Variants in RANGAP1 observed in about 807,000 individuals in gnomAD.
The protein encoded by RANGAP1 is Ran GTPase activating protein 1.
Under a neutral mutation model 63.5 loss-of-function variants are expected in RANGAP1, and 38 were observed. That is an observed-to-expected ratio of 0.60 (90% CI 0.46 to 0.78). RANGAP1 has a LOEUF of 0.78. Ranked by LOEUF, RANGAP1 falls within the 30% of genes least tolerant of loss-of-function variation. The pLI, the probability that RANGAP1 is intolerant of heterozygous loss-of-function variation, is 0.00. For synonymous variants in RANGAP1, 329 were observed against 310.5 expected, an observed-to-expected ratio of 1.06 and a Z score of -0.63; for missense variants, 630 against 740.3, an observed-to-expected ratio of 0.85 and a Z score of 1.73.
At chr22:41,281,614 C>G (rs1601719583) in intron 1 of RANGAP1, 19 of 987,044 alleles carry the variant, frequency 1.9e-5, no homozygotes, top group East Asian at 1.1e-4. Flanking sequence ...CACTGCACGT[C>G]TGGTTTCAAC....
In RANGAP1 at chr22:41,257,727, G is replaced by A. The variant is rs1177716643; in HGVS notation, c.774+221C>T. Among the ~76,000 whole-genome samples the A allele has an allele frequency of 6.6e-6, 1 of 152,252 alleles. No individual in the cohort carries two copies. Among genetic ancestry groups the A allele is most frequent in the Non-Finnish European group, 1.5e-5 (1 of 68,038 alleles). Reference sequence around the variant, plus strand: ...GGCTGCAGAGGCGGCTCAGGAGAAGGTGGCATGAAGAATCAGAGCTGCCCG... The same window carrying A: ...GGCTGCAGAGGCGGCTCAGGAGAAGATGGCATGAAGAATCAGAGCTGCCCG... On this transcript the variant is annotated intron_variant, in intron 7 of 15. Transcript: ENST00000356244. This position sits in a 1 kb window ranked among gnomAD's most constrained non-coding sequence, Gnocchi z 4.0.
the RANGAP1 span, among the ~76,000 whole-genome samples, chr22:41,294,026 CT>C: frequency 7.2e-6 from 1 of 138,076 alleles, no homozygotes; most frequent in African/African-American, 2.7e-5. Context: ...ATCTACTCCT[CT>C]CCCTCTCCTT....
chr22:41,300,235 A>G, the RANGAP1 span, among the ~76,000 whole-genome samples: 1 of 151,912 alleles, frequency 6.6e-6, no homozygotes, highest in African/African-American at 2.4e-5. Flanking sequence ...ATATGTGTTC[A>G]TTATTTCACC....
intron 3 of RANGAP1, among the ~76,000 whole-genome samples, chr22:41,271,587 G>A (rs558865813): frequency 4.5e-4 from 68 of 151,950 alleles, no homozygotes; most frequent in African/African-American, 1.4e-3. Flanking sequence ...CCAGCCACTT[G>A]GGAGGCTGAG....
rs555031164 is a variant in RANGAP1 at position 41,271,013 on chromosome 22, C to T, written c.241-2857G>A. On this transcript the variant is annotated intron_variant, in intron 3 of 15. Coordinates refer to ENST00000356244, the MANE Select transcript of RANGAP1 (RefSeq NM_002883.4). The stretch of plus-strand genomic sequence containing the variant: ...GATTTAGCTGACTCCAGCCATCACT[C>T]CCCCTCTCCAGCCTCTGGTATCCTA... 1.2e-4 allele frequency among the ~76,000 whole-genome samples: 18 copies of T among 152,280 alleles called. No individual in the cohort carries two copies. The East Asian group carries it at 2.5e-3, about 21-fold the overall frequency.
At chr22:41,279,633 C>T (rs891353993) in intron 2 of RANGAP1, among the ~76,000 whole-genome samples, 2 of 151,298 alleles carry the variant, frequency 1.3e-5, no homozygotes, top group Non-Finnish European at 2.9e-5. Context: ...CAGAGCAAGA[C>T]TATGTCTCAA....
At chr22:41,283,466 G>A (rs890187655) in intron 1 of RANGAP1, among the ~76,000 whole-genome samples, 4 of 152,058 alleles carry the variant, frequency 2.6e-5, no homozygotes, top group Admixed American at 6.6e-5. Flanking sequence ...CCAAGATCGC[G>A]CCATTGCATT....
intron 2 of RANGAP1, among the ~76,000 whole-genome samples, chr22:41,276,643 A>C (rs968183103): frequency 6.6e-6 from 1 of 151,944 alleles, no homozygotes; most frequent in African/African-American, 2.4e-5. Flanking sequence ...CCGTTTCAAA[A>C]AACAAACAAA....
At chr22:41,296,678 T>G in the RANGAP1 span, among the ~76,000 whole-genome samples, 1 of 150,512 alleles carries the variant, frequency 6.6e-6, no homozygotes, top group Non-Finnish European at 1.5e-5. Flanking sequence ...CACACATATA[T>G]CAATGCTATG....
At chr22:41,299,205 T>G in the RANGAP1 span, among the ~76,000 whole-genome samples, 13 of 151,998 alleles carry the variant, frequency 8.6e-5, no homozygotes, top group African/African-American at 2.7e-4. Flanking sequence ...CGATCTCGGC[T>G]CACTGTAACC....
intron 4 of RANGAP1, among the ~76,000 whole-genome samples, chr22:41,266,778 C>T (rs745316641): frequency 3.3e-5 from 5 of 152,152 alleles, no homozygotes; most frequent in African/African-American, 4.8e-5. Flanking sequence ...AGGTGATCCA[C>T]GTGCACCGCC....
rs146254801 is a variant in RANGAP1, at chr22:41,253,043, C to A, written c.1261-52G>T. On this transcript the variant is annotated intron_variant, in intron 11 of 15. Transcript: ENST00000356244. ...GGAGAATTCCGGACCCCAGACTCCC[C>A]GACACAGCTGTGCCCATCCCCACAC... 4.4e-6 allele frequency: 6 copies of A among 1,374,652 alleles called. No homozygotes were observed. In the South Asian group the frequency reaches 1.1e-4, roughly 24 times the overall value. The allele number at this position is 1,374,652 out of a possible 1,614,324, so 85.2% of individuals were successfully genotyped here.
At chr22:41,277,146 C>T (rs1217847278) in intron 2 of RANGAP1, among the ~76,000 whole-genome samples, 7 of 129,034 alleles carry the variant, frequency 5.4e-5, no homozygotes, top group African/African-American at 1.5e-4. Flanking sequence ...GGCGGGATCT[C>T]GGCTCACTGC....
intron 10 of RANGAP1, among the ~76,000 whole-genome samples, chr22:41,255,695 C>G (rs551531437): frequency 1.3e-5 from 2 of 152,040 alleles, no homozygotes; most frequent in African/African-American, 4.8e-5. Context: ...CCCCACGAGA[C>G]AGAAGCCCTG....
chr22:41,254,541 A>C, intron 10 of RANGAP1, 47 bp from the exon 11 acceptor site: 1 of 1,534,088 alleles, frequency 6.5e-7, no homozygotes, highest in Non-Finnish European at 8.7e-7. Flanking sequence ...CCAGCAGCCC[A>C]GGTTGGCTCT....
intron 3 of RANGAP1, among the ~76,000 whole-genome samples, chr22:41,271,571 G>C (rs533949497): frequency 6.6e-6 from 1 of 151,734 alleles, no homozygotes; most frequent in South Asian, 2.1e-4. Flanking sequence ...GCAGGCACCC[G>C]TAGTCCCAGC....
At chr22:41,268,446 G>A (rs2034610039) in intron 3 of RANGAP1, among the ~76,000 whole-genome samples, 1 of 151,972 alleles carries the variant, frequency 6.6e-6, no homozygotes, top group African/African-American at 2.4e-5. Flanking sequence ...GTAGAGACAG[G>A]GTTTCTCCAT....
chr22:41,258,241 T>C, intron 6 of RANGAP1, 135 bp from the exon 7 acceptor site: 1 of 991,146 alleles, frequency 1.0e-6, no homozygotes, highest in Non-Finnish European at 1.4e-6. Flanking sequence ...TGTGGGATTT[T>C]GGGGCATGGC....
At chr22:41,292,682 G>A in the RANGAP1 span, among the ~76,000 whole-genome samples, 4 of 152,044 alleles carry the variant, frequency 2.6e-5, no homozygotes, top group Non-Finnish European at 5.9e-5. Context: ...GGGAGGCGGA[G>A]GTTGCATGAG....
Sources: gnomAD v4.1 joint callset for allele counts (sites outside exome capture counted in the v4.1 genomes callset) on GRCh38, gnomAD v4.1.1 for gene constraint, Gnocchi (gnomAD v3.1) non-coding constraint, MANE v1.5 for transcripts, NCBI Gene and HGNC (gene_info 2026-07-23, HGNC 2026-07-21) for gene names.